FAM117A: variants seen among roughly 807,000 people sequenced by gnomAD.
The protein encoded by FAM117A is family with sequence similarity 117 member A.
FAM117A carries 21 observed loss-of-function variants against 44.1 expected under a neutral mutation model. The observed-to-expected ratio is 0.48, with a 90% CI of 0.34 to 0.69. FAM117A has a LOEUF of 0.69. FAM117A is among the 30% of genes least tolerant of loss of function. The pLI, the probability that FAM117A is intolerant of heterozygous loss-of-function variation, is 0.01. For missense variants in FAM117A, 498 were observed against 589.9 expected (o/e 0.84, Z 1.61); for synonymous variants, 220 against 238.3 (o/e 0.92, Z 0.71).
At position 49,722,566 on chromosome 17, in the gene FAM117A, C is replaced by T. The variant is rs2073540169; in HGVS notation, c.395G>A (p.Gly132Asp). ...GTGTGCACAGGAACTGGCACGCTCACCTTCTAGCTCTTGCCAGGACAGGGG... is the reference window on the plus strand; with the variant it reads ...GTGTGCACAGGAACTGGCACGCTCATCTTCTAGCTCTTGCCAGGACAGGGG... Reference protein sequence around the residue: ...QTPLSWQELEGERASSCAHKR... With the variant: ...QTPLSWQELEDERASSCAHKR... The change falls in exon 3 of 8, where the codon GGT (glycine) becomes GAT (aspartate). Residue 132 changes from glycine (G) to aspartate (D), a missense_variant. Gly to Asp is a moderately conservative substitution (Grantham distance 94). Coordinates refer to ENST00000240364, the MANE Select transcript of FAM117A (RefSeq NM_030802.4). 9 of 1,613,870 alleles carry T rather than the reference C, an allele frequency of 5.6e-6. No individual in the cohort carries two copies. The highest frequency in any genetic ancestry group is 2.2e-5 in the East Asian group (1 of 44,890).
chr17:49,759,787 T>C (rs2073715761), intron 1 of FAM117A, among the ~76,000 whole-genome samples: 1 of 152,230 alleles, frequency 6.6e-6, no homozygotes, highest in South Asian at 2.1e-4. Flanking sequence ...CAGCCTCGTA[T>C]TCACGAAACA....
At chr17:49,768,585 C>T (rs1260362935), upstream of FAM117A, among the ~76,000 whole-genome samples, 1 of 152,152 alleles carries the variant, frequency 6.6e-6, no homozygotes, top group Non-Finnish European at 1.5e-5. Flanking sequence ...CTTTACTCAG[C>T]CTCTGTCTGA....
chr17:49,745,024 A>C (rs928657624), intron 1 of FAM117A, among the ~76,000 whole-genome samples: 2 of 151,208 alleles, frequency 1.3e-5, no homozygotes, highest in African/African-American at 2.4e-5. Flanking sequence ...AAAAAAAAAA[A>C]AAAAAAAAAC....
chr17:49,717,977 T>C, intron 5 of FAM117A: 1 of 313,420 alleles, frequency 3.2e-6, no homozygotes, highest in East Asian at 5.8e-5. Flanking sequence ...CCTGTAGGGC[T>C]TGATCAATGT....
intron 2 of FAM117A, chr17:49,724,398 G>A: frequency 2.2e-6 from 1 of 456,294 alleles, no homozygotes; most frequent in South Asian, 1.5e-5. Flanking sequence ...ACTCACAGGT[G>A]GGTGGTAACA....
chr17:49,787,488 C>A lies in FAM117A; in HGVS notation c.-621+1009G>T, dbSNP rs138217382. On this transcript the variant is annotated intron_variant, in intron 1 of 7. Coordinates refer to the FAM117A transcript ENST00000513602. ...TCTGGAACTTTAAATCTTTAGAGTT[C>A]TTTACTTAGCACATCAATCAGATAT... Among the ~76,000 whole-genome samples the A allele has an allele frequency of 3.5e-3, 539 of 152,300 alleles. 3 individuals are homozygous for A. The highest frequency in any genetic ancestry group is 3.6e-3 in the Non-Finnish European group (248 of 68,026).
At chr17:49,759,526 C>A (rs2073714241) in intron 1 of FAM117A, among the ~76,000 whole-genome samples, 7 of 152,344 alleles carry the variant, frequency 4.6e-5, no homozygotes, top group African/African-American at 1.7e-4. Context: ...AGGGTTTTAA[C>A]TGCACCCCCA....
At chr17:49,740,576 C>T (rs1170492408) in intron 1 of FAM117A, among the ~76,000 whole-genome samples, 5 of 152,130 alleles carry the variant, frequency 3.3e-5, no homozygotes, top group African/African-American at 4.8e-5. Flanking sequence ...GCACTCACTA[C>T]GAGCCATCTG....
At chr17:49,731,035 C>T (rs1450585979) in intron 2 of FAM117A, among the ~76,000 whole-genome samples, 3 of 152,196 alleles carry the variant, frequency 2.0e-5, no homozygotes, top group Non-Finnish European at 4.4e-5. Flanking sequence ...TTCTTCATTC[C>T]AACATGCCAA....
chr17:49,710,577 G>A lies in FAM117A; in HGVS notation c.*678C>T, dbSNP rs1414123178. The A allele has an allele frequency of 6.6e-6, 1 of 152,486 alleles. No homozygotes were observed. Among genetic ancestry groups the A allele is most frequent in the African/African-American group, 2.4e-5 (1 of 41,428 alleles). The allele number at this position is 152,486 out of a possible 1,614,324, so 9.4% of individuals were successfully genotyped here. A position where few individuals can be genotyped will look rare whatever the true frequency, so the allele number is the denominator to read the frequency against. ...TCCATCCAGCCCTGGGGCGGGCGGA[G>A]AGTATAGAGTCGCCATTTGCCACCT... On this transcript the variant is annotated 3_prime_UTR_variant, in exon 8 of 8. Transcript: ENST00000240364.
chr17:49,712,383 G>A lies in FAM117A; in HGVS notation c.1062-828C>T, dbSNP rs565128610. On this transcript the variant is annotated intron_variant, in intron 7 of 7. Coordinates refer to ENST00000240364, the MANE Select transcript of FAM117A (RefSeq NM_030802.4). ...ACTTACTAGACCCCAGTAGTACCAC[G>A]ACTCCTCCCCTCTAGTTGTGACAAC... Among the ~76,000 whole-genome samples the A allele has an allele frequency of 6.6e-5, 10 of 152,262 alleles. No homozygotes were observed. In the East Asian group the frequency reaches 1.9e-3, roughly 29 times the overall value.
chr17:49,780,323 C>T (rs1418956157), intron 1 of FAM117A, among the ~76,000 whole-genome samples: 2 of 152,040 alleles, frequency 1.3e-5, no homozygotes, highest in Non-Finnish European at 2.9e-5. Flanking sequence ...TTTTTAGTTT[C>T]TCCCAGGTCA....
At chr17:49,770,501 G>C (rs2073757974) in intron 1 of FAM117A, among the ~76,000 whole-genome samples, 1 of 152,162 alleles carries the variant, frequency 6.6e-6, no homozygotes, top group Non-Finnish European at 1.5e-5. Flanking sequence ...CTGGAGGTGG[G>C]AGCAGGGATT....
chr17:49,771,264 T>C (rs1367436415), intron 1 of FAM117A, among the ~76,000 whole-genome samples: 1 of 152,198 alleles, frequency 6.6e-6, no homozygotes, highest in Non-Finnish European at 1.5e-5. Context: ...AATTTTATGG[T>C]TTATAAATTA....
At position 49,711,293 on chromosome 17, in the gene FAM117A, C is replaced by T; in HGVS notation, c.1324G>A (p.Glu442Lys). 1 of 1,609,764 alleles carries T rather than the reference C, an allele frequency of 6.2e-7. No homozygotes were observed. The highest frequency in any genetic ancestry group is 1.3e-5 in the African/African-American group (1 of 74,964). Residue 442 changes from glutamate (E) to lysine (K), a missense_variant, in exon 8 of 8, where the codon GAA (glutamate) becomes AAA (lysine). By Grantham distance (56) the Glu-to-Lys change is moderately conservative. Around this residue, in one of 3 missense-constraint regions of FAM117A, gnomAD observed 224 missense variants for 296.5 expected, o/e 0.76. Transcript: ENST00000240364. Reference protein sequence around the residue: ...FEPWQRTPPSEEPVLFQSSLM... With the variant: ...FEPWQRTPPSKEPVLFQSSLM... ...GAGCTCTGGAAAAGCACAGGCTCTT[C>T]TGATGGTGGGGTGCGCTGCCATGGC...
chr17:49,759,685 T>C (rs1026795746), intron 1 of FAM117A, among the ~76,000 whole-genome samples: 1 of 152,202 alleles, frequency 6.6e-6, no homozygotes, highest in African/African-American at 2.4e-5. Context: ...CTTTTTATGG[T>C]TCCAGACCTA....
intron 2 of FAM117A, among the ~76,000 whole-genome samples, chr17:49,724,779 C>A (rs1746213616): frequency 6.8e-6 from 1 of 147,184 alleles, no homozygotes; most frequent in Non-Finnish European, 1.5e-5. Context: ...TGAGATTGCA[C>A]CACTGCACTC....
chr17:49,712,145 C>T (rs960074449), intron 7 of FAM117A, among the ~76,000 whole-genome samples: 6 of 152,108 alleles, frequency 3.9e-5, no homozygotes, highest in Non-Finnish European at 7.4e-5. Flanking sequence ...GACTCCATCT[C>T]AAAAAGAAAA....
At chr17:49,712,974 G>C (rs1278786211) in intron 7 of FAM117A, among the ~76,000 whole-genome samples, 1 of 152,124 alleles carries the variant, frequency 6.6e-6, no homozygotes, top group African/African-American at 2.4e-5. Flanking sequence ...ACTCCTAGGT[G>C]CAAGTAATCC....
Sources: gnomAD v4.1 joint callset for allele counts (sites outside exome capture counted in the v4.1 genomes callset) on GRCh38, gnomAD v4.1.1 for gene constraint, gnomAD v4.1.1 regional missense constraint, MANE v1.5 for transcripts, NCBI Gene and HGNC (gene_info 2026-07-23, HGNC 2026-07-21) for gene names.